The following SGCZ variants were observed in gnomAD, a reference collection of about 807,000 sequenced individuals.
SGCZ encodes zeta-sarcoglycan.
SGCZ carries 40 observed loss-of-function variants against 41.3 expected under a neutral mutation model. The observed-to-expected ratio is 0.97, with a 90% CI of 0.75 to 1.26. SGCZ has a LOEUF of 1.26. Among genes scored for constraint, SGCZ ranks in the 50% most tolerant of loss-of-function variants. SGCZ has a pLI of 0.00. For missense variants in SGCZ, 552 were observed against 369.8 expected (o/e 1.49, Z -4.04); for synonymous variants, 206 against 137.5 (o/e 1.50, Z -3.49).
At chr8:14,959,046 T>C (rs1800882690) in intron 1 of SGCZ, among the ~76,000 whole-genome samples, 1 of 152,120 alleles carries the variant, frequency 6.6e-6, no homozygotes, top group Non-Finnish European at 1.5e-5. Flanking sequence ...TTCTTCCTTA[T>C]GGCATACAAA....
intron 1 of SGCZ, among the ~76,000 whole-genome samples, chr8:15,171,439 T>C (rs1022159485): frequency 1.3e-5 from 2 of 152,298 alleles, no homozygotes; most frequent in East Asian, 1.9e-4. Context: ...GGAAATAATA[T>C]GTTGCTCCCT....
chr8:14,859,986 G>T (rs1340104692), intron 1 of SGCZ, among the ~76,000 whole-genome samples: 2 of 152,112 alleles, frequency 1.3e-5, no homozygotes, highest in Non-Finnish European at 2.9e-5. Flanking sequence ...CAAATTATGT[G>T]CTAGGAAAGC....
intron 4 of SGCZ, among the ~76,000 whole-genome samples, chr8:14,207,425 G>A (rs915632427): frequency 2.0e-5 from 3 of 152,062 alleles, no homozygotes; most frequent in African/African-American, 4.8e-5. Context: ...CAAACATATT[G>A]TAAAATACTT....
chr8:15,217,218 C>T (rs1478599168), intron 1 of SGCZ, among the ~76,000 whole-genome samples: 3 of 151,546 alleles, frequency 2.0e-5, no homozygotes, highest in African/African-American at 7.3e-5. Flanking sequence ...GAGATCGAGA[C>T]CATCTTGGCT....
At chr8:15,120,626 T>C (rs1807441882) in intron 1 of SGCZ, among the ~76,000 whole-genome samples, 1 of 152,216 alleles carries the variant, frequency 6.6e-6, no homozygotes, top group Non-Finnish European at 1.5e-5. Context: ...TGTGATGTAA[T>C]AGATATGGAC....
At chr8:14,780,063 A>G (rs1006127717) in intron 1 of SGCZ, among the ~76,000 whole-genome samples, 13 of 152,020 alleles carry the variant, frequency 8.6e-5, no homozygotes, top group African/African-American at 3.1e-4. Context: ...CTGACTACTG[A>G]AGAAGAGAAA....
intron 1 of SGCZ, among the ~76,000 whole-genome samples, chr8:14,731,025 C>T (rs891564778): frequency 5.3e-5 from 8 of 151,632 alleles, no homozygotes; most frequent in African/African-American, 1.5e-4. Context: ...CCCAGCAACC[C>T]CATTACTAGG....
intron 1 of SGCZ, among the ~76,000 whole-genome samples, chr8:14,878,181 T>TC (rs1441170579): frequency 6.6e-6 from 1 of 151,194 alleles, no homozygotes; most frequent in East Asian, 1.9e-4. Context: ...AAGGCAGTCT[T>TC]CTTTTTTTCT....
rs199965823 is a variant in SGCZ at position 14,312,643 on chromosome 8, AGAAGAGGAAGAG to A, written c.336+11448_336+11459del. ...AGACTCTGTCTCCACAGAAAGAAGA[AGAAGAGGAAGAG>A]GAAGAGGAGGAGGAAGAGGAGGAGG... On this transcript the variant is annotated intron_variant, in intron 3 of 7. Coordinates refer to ENST00000382080, the MANE Select transcript of SGCZ (RefSeq NM_139167.4). Among the ~76,000 whole-genome samples the A allele has an allele frequency of 3.5e-3, 532 of 152,108 alleles. 4 individuals are homozygous for A. The highest frequency in any genetic ancestry group is 0.012 in the African/African-American group (483 of 41,488).
chr8:14,976,544 A>G (rs1801485442), intron 1 of SGCZ, among the ~76,000 whole-genome samples: 2 of 152,120 alleles, frequency 1.3e-5, no homozygotes, highest in South Asian at 2.1e-4. Context: ...ATCTATTCCT[A>G]TGACCCTTAC....
At chr8:14,442,529 T>C (rs1201150676) in intron 2 of SGCZ, among the ~76,000 whole-genome samples, 4 of 152,310 alleles carry the variant, frequency 2.6e-5, no homozygotes, top group Non-Finnish European at 4.4e-5. Flanking sequence ...TGTTTCTTAC[T>C]TGACAGTACC....
At chr8:14,835,223 A>G (rs1251426524) in intron 1 of SGCZ, among the ~76,000 whole-genome samples, 2 of 152,192 alleles carry the variant, frequency 1.3e-5, no homozygotes, top group Non-Finnish European at 2.9e-5. Flanking sequence ...GTGCTTGAGC[A>G]TCTAGACAAA....
chr8:14,642,792 C>T (rs1467697193), intron 1 of SGCZ, among the ~76,000 whole-genome samples: 5 of 151,288 alleles, frequency 3.3e-5, no homozygotes, highest in Admixed American at 2.0e-4. Flanking sequence ...CAAAGTAATA[C>T]AAAATGGCAC....
chr8:14,764,015 T>C (rs935526899), intron 1 of SGCZ, among the ~76,000 whole-genome samples: 2 of 152,202 alleles, frequency 1.3e-5, no homozygotes, highest in Non-Finnish European at 2.9e-5. Context: ...CCCTATCAAG[T>C]TCCTTGGAGA....
intron 1 of SGCZ, among the ~76,000 whole-genome samples, chr8:15,189,209 G>A (rs532743116): frequency 6.6e-6 from 1 of 152,164 alleles, no homozygotes; most frequent in Admixed American, 6.5e-5. Flanking sequence ...CACATTTTAA[G>A]AGTAAACAAA....
intron 2 of SGCZ, among the ~76,000 whole-genome samples, chr8:14,409,518 G>A (rs1799304423): frequency 6.6e-6 from 1 of 151,912 alleles, no homozygotes; most frequent in African/African-American, 2.4e-5. Flanking sequence ...TGTTTTACAT[G>A]GCTGCCTCAT....
intron 2 of SGCZ, among the ~76,000 whole-genome samples, chr8:14,412,051 T>A (rs945091518): frequency 1.2e-4 from 18 of 152,094 alleles, no homozygotes; most frequent in African/African-American, 4.3e-4. Flanking sequence ...ATCCTTCCCA[T>A]AAAGCCAGTG....
At chr8:14,958,759 G>A (rs565600985) in intron 1 of SGCZ, among the ~76,000 whole-genome samples, 1 of 152,114 alleles carries the variant, frequency 6.6e-6, no homozygotes, top group South Asian at 2.1e-4. Flanking sequence ...ACTCTATGAT[G>A]TTGCATGCTT....
rs115746105 is a variant in SGCZ at position 14,651,938 on chromosome 8, A to G, written c.40-97012T>C. On this transcript the variant is annotated intron_variant, in intron 1 of 7. Transcript: ENST00000382080. ...TATATCTTTGTGCTAAGAATGGGAA[A>G]GTTTACATTTAAAAAAAAAGCAAAC... 2.6e-3 allele frequency among the ~76,000 whole-genome samples: 399 copies of G among 151,962 alleles called. 7 individuals carry two copies. The highest frequency in any genetic ancestry group is 9.1e-3 in the African/African-American group (377 of 41,412).
Sources: allele counts gnomAD v4.1 joint callset (sites outside exome capture counted in the v4.1 genomes callset), GRCh38; gene constraint gnomAD v4.1.1; transcripts MANE v1.5; gene names NCBI Gene and HGNC (gene_info 2026-07-23, HGNC 2026-07-21).